Variants in PRKG1 observed in about 807,000 individuals in gnomAD.
PRKG1 encodes the protein protein kinase cGMP-dependent 1.
A neutral mutation model predicts 88.1 loss-of-function variants in PRKG1; 35 were observed. That is an observed-to-expected ratio of 0.40 (90% CI 0.30 to 0.53). The LOEUF is 0.53. Among genes scored for constraint, PRKG1 ranks in the 20% least tolerant of loss-of-function variants. The pLI is 0.59. For missense variants in PRKG1, 540 were observed against 839.8 expected, an observed-to-expected ratio of 0.64 and a Z score of 4.41; for synonymous variants, 303 against 292.5, an observed-to-expected ratio of 1.04 and a Z score of -0.37.
At chr10:52,143,819 T>C (rs1422871551) in intron 8 of PRKG1, among the ~76,000 whole-genome samples, 1 of 151,362 alleles carries the variant, frequency 6.6e-6, no homozygotes, top group Non-Finnish European at 1.5e-5. Context: ...GTTAAAAGAG[T>C]AAATTTTGGA....
At chr10:51,523,628 A>G (rs1448858501) in intron 3 of PRKG1, among the ~76,000 whole-genome samples, 1 of 152,202 alleles carries the variant, frequency 6.6e-6, no homozygotes, top group Admixed American at 6.5e-5. Flanking sequence ...TTATAGACCA[A>G]CAGAGGCCCC....
At chr10:51,313,920 A>G (rs549658069) in intron 2 of PRKG1, among the ~76,000 whole-genome samples, 317 of 152,224 alleles carry the variant, frequency 2.1e-3, no homozygotes, top group African/African-American at 7.4e-3. Flanking sequence ...ATTTTTCTGA[A>G]TAGTTTTGAT....
chr10:52,079,439 G>A (rs1846713120), intron 7 of PRKG1, among the ~76,000 whole-genome samples: 1 of 152,040 alleles, frequency 6.6e-6, no homozygotes, highest in African/African-American at 2.4e-5. Context: ...AATCTTTGGG[G>A]TCAGACAGAT....
intron 8 of PRKG1, among the ~76,000 whole-genome samples, chr10:52,138,969 C>T (rs1474835171): frequency 2.6e-5 from 4 of 151,966 alleles, no homozygotes; most frequent in African/African-American, 4.8e-5. Flanking sequence ...AATAAAGTAG[C>T]AAATATATTA....
Position 51,970,575 on chromosome 10 carries a change from T to TTTA in PRKG1, c.762+63007_762+63008insATT, listed in dbSNP as rs1564733734. 9.9e-5 allele frequency among the ~76,000 whole-genome samples: 15 copies of TTTA among 150,772 alleles called. No individual in the cohort carries two copies. In the East Asian group the frequency reaches 2.9e-3, roughly 29 times the overall value. ...CTTCAACAATCATCAACTTTTATTT[T>TTTA]TTTATTTATTTAGTTTTTGCTATCC... On this transcript the variant is annotated intron_variant, in intron 5 of 17. Transcript: ENST00000373980.
chr10:51,322,762 C>G (rs1239384685), intron 2 of PRKG1, among the ~76,000 whole-genome samples: 1 of 152,194 alleles, frequency 6.6e-6, no homozygotes, highest in Non-Finnish European at 1.5e-5. Context: ...TACAGCACTA[C>G]TAGCTTGCAT....
chr10:52,103,633 A>G (rs1847346506), intron 7 of PRKG1, among the ~76,000 whole-genome samples: 1 of 152,166 alleles, frequency 6.6e-6, no homozygotes, highest in African/African-American at 2.4e-5. Flanking sequence ...ACAGCAGTCT[A>G]TTAGTAGTTA....
chr10:51,484,278 C>G (rs933594817), intron 3 of PRKG1, among the ~76,000 whole-genome samples: 1 of 152,086 alleles, frequency 6.6e-6, no homozygotes, highest in Non-Finnish European at 1.5e-5. Flanking sequence ...GCAGTTTCCG[C>G]GTAATAAAAG....
At chr10:51,798,056 A>T (rs1839063755) in intron 3 of PRKG1, among the ~76,000 whole-genome samples, 1 of 151,976 alleles carries the variant, frequency 6.6e-6, no homozygotes, top group African/African-American at 2.4e-5. Context: ...CCCTTGAAGG[A>T]CTTCTGGGTT....
chr10:51,156,145 G>A (rs1846205754), intron 2 of PRKG1, among the ~76,000 whole-genome samples: 1 of 151,896 alleles, frequency 6.6e-6, no homozygotes, highest in Non-Finnish European at 1.5e-5. Context: ...CAAAGTTCTT[G>A]GGTGATGTTT....
At chr10:52,246,565 A>T (rs1841027206) in intron 9 of PRKG1, among the ~76,000 whole-genome samples, 1 of 152,116 alleles carries the variant, frequency 6.6e-6, no homozygotes, top group Non-Finnish European at 1.5e-5. Context: ...TTAAAAGTTC[A>T]ATATTTCATT....
chr10:51,649,375 A>G (rs1310282723), intron 3 of PRKG1, among the ~76,000 whole-genome samples: 1 of 152,174 alleles, frequency 6.6e-6, no homozygotes, highest in African/African-American at 2.4e-5. Context: ...TTAATTAAGC[A>G]TAATGATTTA....
chr10:51,140,879 C>T (rs1208334701), intron 1 of PRKG1, among the ~76,000 whole-genome samples: 1 of 152,072 alleles, frequency 6.6e-6, no homozygotes, highest in Non-Finnish European at 1.5e-5. Flanking sequence ...TGAAAGAGTC[C>T]CCTGAAGTCC....
intron 3 of PRKG1, among the ~76,000 whole-genome samples, chr10:51,665,731 T>C (rs1840406312): frequency 6.6e-6 from 1 of 152,138 alleles, no homozygotes. Context: ...ATCTCCTTCT[T>C]CCTTCATTTT....
intron 1 of PRKG1, among the ~76,000 whole-genome samples, chr10:51,067,650 T>A (rs909696394): frequency 1.1e-4 from 16 of 152,004 alleles, no homozygotes; most frequent in African/African-American, 3.9e-4. Context: ...TTAGATGAAT[T>A]TTCCATAATG....
chr10:52,090,095 G>A lies in PRKG1; in HGVS notation c.935+27464G>A, dbSNP rs187264527. Reference sequence around the variant, plus strand: ...CTCAAAGTGTTGGGATTACAGGCGTGAGCCACCACACCCGGCCTAGATTGT... The same window carrying A: ...CTCAAAGTGTTGGGATTACAGGCGTAAGCCACCACACCCGGCCTAGATTGT... On this transcript the variant is annotated intron_variant, in intron 7 of 17. Coordinates refer to ENST00000373980, the MANE Select transcript of PRKG1 (RefSeq NM_006258.4). Among the ~76,000 whole-genome samples the A allele has an allele frequency of 7.9e-4, 120 of 152,110 alleles. 2 individuals are homozygous for A. Among genetic ancestry groups the A allele is most frequent in the African/African-American group, 2.8e-3 (116 of 41,516 alleles).
intron 5 of PRKG1, chr10:51,908,604 A>AG (rs1842136820): frequency 6.6e-6 from 1 of 151,986 alleles, no homozygotes; most frequent in Non-Finnish European, 1.5e-5. Context: ...GAAAAAATAA[A>AG]TAAAGAAGCT....
At position 51,645,513 on chromosome 10, in the gene PRKG1, T is replaced by C. The variant is rs976316050; in HGVS notation, c.593-159072T>C. Among the ~76,000 whole-genome samples, 4 of 152,334 alleles carry C rather than the reference T, an allele frequency of 2.6e-5. No homozygotes were observed. The East Asian group carries it at 7.7e-4, about 29-fold the overall frequency. ...CTTAATAATTATGTGAATATATTAGTGAATTAGAATCCACTGGTGAATTAG... is the reference window on the plus strand; with the variant it reads ...CTTAATAATTATGTGAATATATTAGCGAATTAGAATCCACTGGTGAATTAG... On this transcript the variant is annotated intron_variant, in intron 3 of 17. Coordinates refer to ENST00000373980, the MANE Select transcript of PRKG1 (RefSeq NM_006258.4).
intron 3 of PRKG1, among the ~76,000 whole-genome samples, chr10:51,591,318 G>C (rs995986668): frequency 6.6e-6 from 1 of 151,956 alleles, no homozygotes; most frequent in African/African-American, 2.4e-5. Flanking sequence ...TCTATTCATG[G>C]GATACTTCTA....
Sources: gnomAD v4.1 joint callset for allele counts (sites outside exome capture counted in the v4.1 genomes callset) on GRCh38, gnomAD v4.1.1 for gene constraint, MANE v1.5 for transcripts, NCBI Gene and HGNC (gene_info 2026-07-23, HGNC 2026-07-21) for gene names.